Variants in RAPGEF4 observed in about 807,000 individuals in gnomAD.
RAPGEF4 encodes the protein RAP guanine-nucleotide-exchange factor (GEF) 4.
In RAPGEF4, 66 loss-of-function variants were observed where a neutral mutation model predicts 147.9. The observed-to-expected ratio is 0.45, with a 90% CI of 0.37 to 0.55. The LOEUF (loss-of-function observed/expected upper bound fraction) is 0.55, where lower values mean the gene tolerates loss of function less well. Ranked by LOEUF, RAPGEF4 falls within the 20% of genes least tolerant of loss-of-function variation. The pLI is 0.00. For synonymous variants in RAPGEF4, 419 were observed against 442.7 expected (o/e 0.95, Z 0.67); for missense variants, 1,071 against 1,257.3 (o/e 0.85, Z 2.24).
At chr2:172,749,788 C>T (rs1052590539) in intron 1 of RAPGEF4, among the ~76,000 whole-genome samples, 12 of 152,126 alleles carry the variant, frequency 7.9e-5, no homozygotes, top group African/African-American at 2.7e-4. Context: ...TGCTCTGTTT[C>T]CCTTTTAAAA....
chr2:172,976,095 T>G (rs1032601129), intron 10 of RAPGEF4, among the ~76,000 whole-genome samples: 4 of 152,236 alleles, frequency 2.6e-5, no homozygotes, highest in Non-Finnish European at 5.9e-5. Context: ...AGTTATAGAC[T>G]GTATTCATTT....
chr2:172,953,277 A>G (rs2105402779), intron 6 of RAPGEF4, among the ~76,000 whole-genome samples: 1 of 147,564 alleles, frequency 6.8e-6, no homozygotes, highest in Admixed American at 6.8e-5. Context: ...TTTATATGTA[A>G]TAGTTCTCTC....
At chr2:172,839,395 T>C (rs931818552) in intron 4 of RAPGEF4, among the ~76,000 whole-genome samples, 3 of 152,150 alleles carry the variant, frequency 2.0e-5, no homozygotes, top group African/African-American at 7.2e-5. Context: ...AATGATATAC[T>C]AAAGAAGGGG....
chr2:172,757,011 G>T (rs1220614396), intron 1 of RAPGEF4, among the ~76,000 whole-genome samples: 1 of 152,186 alleles, frequency 6.6e-6, no homozygotes, highest in East Asian at 1.9e-4. Flanking sequence ...TCTATACATG[G>T]TTTTGAAATT....
chr2:173,047,923 G>T (rs920748226), intron 29 of RAPGEF4, among the ~76,000 whole-genome samples: 1 of 152,116 alleles, frequency 6.6e-6, no homozygotes, highest in Non-Finnish European at 1.5e-5. Context: ...TGATCCACCC[G>T]CCTCGGCCTC....
At chr2:172,954,609 CCTT>C (rs1688545473) in intron 6 of RAPGEF4, among the ~76,000 whole-genome samples, 2 of 152,084 alleles carry the variant, frequency 1.3e-5, no homozygotes, top group African/African-American at 4.8e-5. Flanking sequence ...CTGACTTAGT[CCTT>C]ATTTTAATTT....
intron 27 of RAPGEF4, among the ~76,000 whole-genome samples, chr2:173,034,341 A>G (rs1374660662): frequency 6.6e-6 from 1 of 152,118 alleles, no homozygotes; most frequent in East Asian, 1.9e-4. Flanking sequence ...GCCGGGAGTG[A>G]TGGGCAGGTT....
At chr2:172,858,055 A>G (rs559378463) in intron 4 of RAPGEF4, among the ~76,000 whole-genome samples, 86 of 152,266 alleles carry the variant, frequency 5.6e-4, no homozygotes, top group Non-Finnish European at 1.0e-3. Context: ...TGTTGAAAAC[A>G]CTCAGAACCA....
At chr2:173,048,684 G>A in intron 30 of RAPGEF4, 30 bp downstream of exon 30, 1 of 1,613,872 alleles carries the variant, frequency 6.2e-7, no homozygotes, top group Non-Finnish European at 8.5e-7. Context: ...CTCTTACAAT[G>A]TAGATGTTGG....
chr2:172,794,715 AT>A (rs764534610), intron 1 of RAPGEF4, among the ~76,000 whole-genome samples: 57 of 152,042 alleles, frequency 3.7e-4, no homozygotes, highest in Non-Finnish European at 6.6e-4. Context: ...TAGAATCTGC[AT>A]TTTCATGTAT....
intron 6 of RAPGEF4, among the ~76,000 whole-genome samples, chr2:172,932,931 C>A (rs570421578): frequency 6.6e-6 from 1 of 152,054 alleles, no homozygotes; most frequent in South Asian, 2.1e-4. Context: ...ATCATCAAAA[C>A]AAAATAAATA....
chr2:172,937,173 A>C (rs1559132402), intron 6 of RAPGEF4, among the ~76,000 whole-genome samples: 1 of 151,346 alleles, frequency 6.6e-6, no homozygotes, highest in Non-Finnish European at 1.5e-5. Flanking sequence ...GTGAGTTATG[A>C]TTATGCCACT....
At chr2:172,771,499 G>T (rs1479258342) in intron 1 of RAPGEF4, among the ~76,000 whole-genome samples, 20 of 152,018 alleles carry the variant, frequency 1.3e-4, no homozygotes, top group Admixed American at 2.6e-4. Context: ...GCATATTGAG[G>T]TTATTTGAGA....
rs569153836 is a variant in RAPGEF4 at position 173,006,039 on chromosome 2, C to T, written c.1658+4695C>T. Among the ~76,000 whole-genome samples, 4 of 152,330 alleles carry T rather than the reference C, an allele frequency of 2.6e-5. No individual in the cohort carries two copies. The South Asian group carries it at 8.3e-4, about 32-fold the overall frequency. Reference sequence around the variant, plus strand: ...CAAAGACTGGTTCTGCAACGCCAGACTCTAGCTAGACTGGGCCAATGGAAT... The same window carrying T: ...CAAAGACTGGTTCTGCAACGCCAGATTCTAGCTAGACTGGGCCAATGGAAT... On this transcript the variant is annotated intron_variant, in intron 17 of 30. Transcript: ENST00000397081.
In RAPGEF4 at chr2:172,755,620, T is replaced by C. The variant is rs1695697013; in HGVS notation, c.65+19572T>C. Among the ~76,000 whole-genome samples the C allele has an allele frequency of 3.3e-5, 5 of 152,272 alleles. No homozygotes were observed. In the South Asian group the frequency reaches 8.3e-4, roughly 25 times the overall value. On this transcript the variant is annotated intron_variant, in intron 1 of 30. Transcript: ENST00000397081. ...CGTGTTGGCCAGGTTTGTCTCGAAC[T>C]CCTGACCTCAGGTGATCTGCCCACC...
At chr2:172,866,171 C>G (rs979606995) in intron 4 of RAPGEF4, among the ~76,000 whole-genome samples, 2 of 152,162 alleles carry the variant, frequency 1.3e-5, no homozygotes, top group Non-Finnish European at 2.9e-5. Flanking sequence ...TTTATCTACT[C>G]TATCTCCCCT....
intron 1 of RAPGEF4, among the ~76,000 whole-genome samples, chr2:172,759,942 A>G (rs1166449655): frequency 6.6e-6 from 1 of 152,220 alleles, no homozygotes; most frequent in African/African-American, 2.4e-5. Context: ...GGCCCTCTCT[A>G]TCTGAAGGAC....
chr2:173,005,617 G>A (rs994543287), intron 17 of RAPGEF4, among the ~76,000 whole-genome samples: 1 of 144,826 alleles, frequency 6.9e-6, no homozygotes, highest in African/African-American at 2.6e-5. Flanking sequence ...CCGCCTCCTG[G>A]GTTCAAGCAA....
At chr2:173,011,844 C>G (rs1695053096) in intron 17 of RAPGEF4, among the ~76,000 whole-genome samples, 1 of 128,206 alleles carries the variant, frequency 7.8e-6, no homozygotes. Context: ...CATTAGCAGA[C>G]TCCGTCTCAA....
Sources: allele counts gnomAD v4.1 joint callset (sites outside exome capture counted in the v4.1 genomes callset), GRCh38; gene constraint gnomAD v4.1.1; transcripts MANE v1.5; gene names NCBI Gene and HGNC (gene_info 2026-07-23, HGNC 2026-07-21).